The following CLCN3 variants were observed in gnomAD, a reference collection of about 807,000 sequenced individuals.
CLCN3 encodes H(+)/Cl(-) exchange transporter 3.
Under a neutral mutation model 83.4 loss-of-function variants are expected in CLCN3, and 16 were observed. That is an observed-to-expected ratio of 0.19 (90% CI 0.13 to 0.29). The LOEUF (loss-of-function observed/expected upper bound fraction) is 0.29. Among genes scored for constraint, CLCN3 ranks in the 10% least tolerant of loss-of-function variants. The probability of loss-of-function intolerance (pLI) is 1.00; values close to 1 mark genes in which losing one functional copy is unlikely to be tolerated. For missense variants in CLCN3, 544 were observed against 1,006.0 expected (o/e 0.54, Z 6.21); for synonymous variants, 322 against 346.2 (o/e 0.93, Z 0.78).
At chr4:169,699,054 T>G (rs1195672755) in intron 9 of CLCN3, among the ~76,000 whole-genome samples, 1 of 152,214 alleles carries the variant, frequency 6.6e-6, no homozygotes, top group East Asian at 1.9e-4. Context: ...GTCAGTTGCT[T>G]CGAAACTTTC....
chr4:169,663,312 TTTTTG>T (rs1167928531), intron 2 of CLCN3, among the ~76,000 whole-genome samples: 8 of 24,636 alleles, frequency 3.2e-4, no homozygotes, highest in East Asian at 6.5e-3. Context: ...TAAGTGGGTT[TTTTTG>T]TTGTTGTTGT....
chr4:169,672,220 T>TGATAGATCGATA (rs1731490819), intron 2 of CLCN3, among the ~76,000 whole-genome samples: 2 of 145,496 alleles, frequency 1.4e-5, no homozygotes, highest in African/African-American at 5.1e-5. Flanking sequence ...TCAAAATAAA[T>TGATAGATCGATA]GATAGATAGA....
chr4:169,667,011 T>A (rs1731267693), intron 2 of CLCN3, among the ~76,000 whole-genome samples: 1 of 152,226 alleles, frequency 6.6e-6, no homozygotes. Context: ...TTATTTTAAT[T>A]CTGATGTAGT....
chr4:169,663,529 A>G, intron 2 of CLCN3: 4 of 282,250 alleles, frequency 1.4e-5, no homozygotes, highest in South Asian at 2.7e-5. Flanking sequence ...TTTTTTAGGG[A>G]GAGTCTCACT....
intron 2 of CLCN3, among the ~76,000 whole-genome samples, chr4:169,657,984 G>A (rs1285363009): frequency 6.6e-6 from 1 of 152,098 alleles, no homozygotes; most frequent in Non-Finnish European, 1.5e-5. Context: ...GACTTAACCT[G>A]TGTACTGATT....
At chr4:169,628,211 AG>A (rs1267873516) in intron 1 of CLCN3, among the ~76,000 whole-genome samples, 1 of 152,222 alleles carries the variant, frequency 6.6e-6, no homozygotes, top group African/African-American at 2.4e-5. Context: ...ATAAAATTTT[AG>A]GAAAAATAGA....
chr4:169,645,846 G>T (rs546344284), intron 2 of CLCN3, among the ~76,000 whole-genome samples: 1 of 152,040 alleles, frequency 6.6e-6, no homozygotes, highest in Admixed American at 6.6e-5. Context: ...TAGTAAACTG[G>T]GTGTTGCTTC....
chr4:169,720,062 T>G lies in CLCN3; in HGVS notation c.*65T>G. The G allele has an allele frequency of 6.3e-7, 1 of 1,596,840 alleles. No homozygotes were observed. Among genetic ancestry groups the G allele is most frequent in the Non-Finnish European group, 8.5e-7 (1 of 1,173,880 alleles). ...TTTATTTGTTGAATAGCACAACTCT[T>G]TAACCTGAGGGAGTCATCTACTTTT... On this transcript the variant is annotated 3_prime_UTR_variant, in exon 13 of 13. Transcript: ENST00000513761.
intron 2 of CLCN3, among the ~76,000 whole-genome samples, chr4:169,653,577 G>A (rs2150214019): frequency 7.4e-6 from 1 of 135,202 alleles, no homozygotes; most frequent in African/African-American, 2.7e-5. Flanking sequence ...GAGGGTGGAG[G>A]TTGCAGTGAG....
chr4:169,639,061 G>A (rs1405593796), intron 2 of CLCN3, among the ~76,000 whole-genome samples: 3 of 152,192 alleles, frequency 2.0e-5, no homozygotes, highest in South Asian at 2.1e-4. Context: ...ACAGAGTCTC[G>A]CTCTTTTGCC....
At chr4:169,682,375 G>A (rs1731978774) in intron 3 of CLCN3, among the ~76,000 whole-genome samples, 1 of 152,050 alleles carries the variant, frequency 6.6e-6, no homozygotes, top group African/African-American at 2.4e-5. Context: ...TCTATCATTG[G>A]AAACAAATAC....
chr4:169,636,532 T>G (rs1773506485), intron 2 of CLCN3, among the ~76,000 whole-genome samples: 1 of 152,216 alleles, frequency 6.6e-6, no homozygotes, highest in Non-Finnish European at 1.5e-5. Flanking sequence ...CTATCTAGAT[T>G]AATTTTGCAA....
intron 12 of CLCN3, 25 bp from the exon 13 acceptor site, chr4:169,719,882 G>T: frequency 6.4e-7 from 1 of 1,574,468 alleles, no homozygotes; most frequent in African/African-American, 1.4e-5. Context: ...TTATTTCATA[G>T]GAGTCTTCTG....
chr4:169,639,650 A>C (rs1170232794), intron 2 of CLCN3, among the ~76,000 whole-genome samples: 1 of 152,166 alleles, frequency 6.6e-6, no homozygotes, highest in Non-Finnish European at 1.5e-5. Context: ...CAGGGAGGGG[A>C]ATGTCTTGGA....
At chr4:169,699,767 G>A (rs1411176218) in intron 9 of CLCN3, among the ~76,000 whole-genome samples, 1 of 151,830 alleles carries the variant, frequency 6.6e-6, no homozygotes, top group Non-Finnish European at 1.5e-5. Context: ...CTGTAATCCC[G>A]GCTACTCGAG....
At chr4:169,717,437 T>C (rs923728847) in intron 12 of CLCN3, among the ~76,000 whole-genome samples, 1 of 152,292 alleles carries the variant, frequency 6.6e-6, no homozygotes, top group African/African-American at 2.4e-5. Context: ...GGAAAGAACA[T>C]TGTAAATGAA....
At chr4:169,688,328 A>G (rs1461750702) in intron 4 of CLCN3, among the ~76,000 whole-genome samples, 2 of 152,236 alleles carry the variant, frequency 1.3e-5, no homozygotes, top group African/African-American at 4.8e-5. Flanking sequence ...CAAAGTCCCA[A>G]TGTGTGAGAT....
chr4:169,693,168 GAAT>G (rs913712463), intron 7 of CLCN3, among the ~76,000 whole-genome samples: 1 of 152,118 alleles, frequency 6.6e-6, no homozygotes, highest in Admixed American at 6.5e-5. Context: ...CAAAAAAGTA[GAAT>G]ATTTTATCAA....
Position 169,678,118 on chromosome 4 carries a change from G to A in CLCN3, c.161-1932G>A, listed in dbSNP as rs534906017. Among the ~76,000 whole-genome samples, 4 of 152,214 alleles carry A rather than the reference G, an allele frequency of 2.6e-5. No individual in the cohort carries two copies. In the East Asian group the frequency reaches 5.8e-4, roughly 22 times the overall value. On this transcript the variant is annotated intron_variant, in intron 2 of 12. Transcript: ENST00000513761. The stretch of plus-strand genomic sequence containing the variant: ...GCAAAAACAAAACCACAACTCTAAG[G>A]GTTATTGTTTCTACTGGACAGAATT...
Sources: gnomAD v4.1 joint callset for allele counts (sites outside exome capture counted in the v4.1 genomes callset) on GRCh38, gnomAD v4.1.1 for gene constraint, MANE v1.5 for transcripts, NCBI Gene and HGNC (gene_info 2026-07-23, HGNC 2026-07-21) for gene names.